The following CSMD2 variants were observed in gnomAD, a reference collection of about 807,000 sequenced individuals.
The protein encoded by CSMD2 is CUB and Sushi multiple domains 2.
CSMD2 carries 130 observed loss-of-function variants against 398.5 expected under a neutral mutation model. The observed-to-expected ratio is 0.33, with a 90% CI of 0.28 to 0.38. The LOEUF is 0.38. Ranked by LOEUF, CSMD2 falls within the 10% of genes least tolerant of loss-of-function variation. The pLI is 1.00. For missense variants in CSMD2, 3,829 were observed against 4,764.9 expected (o/e 0.80, Z 5.78); for synonymous variants, 1,828 against 1,908.5 (o/e 0.96, Z 1.10).
At chr1:33,616,453 G>T (rs1406271412) in intron 39 of CSMD2, among the ~76,000 whole-genome samples, 1 of 152,158 alleles carries the variant, frequency 6.6e-6, no homozygotes, top group African/African-American at 2.4e-5. Flanking sequence ...GGCCAGGCTG[G>T]TCTCGAACTC....
At chr1:33,663,211 G>A (rs535259789) in intron 25 of CSMD2, 119 bp from the exon 26 acceptor site, 35 of 786,262 alleles carry the variant, frequency 4.5e-5, no homozygotes, top group South Asian at 1.6e-4. Context: ...CTAAACCTCC[G>A]AAGCCCAGCA....
chr1:33,875,081 C>G (rs912809986), intron 5 of CSMD2, among the ~76,000 whole-genome samples: 1 of 152,204 alleles, frequency 6.6e-6, no homozygotes, highest in Non-Finnish European at 1.5e-5. Context: ...ATCTAGCCCC[C>G]ACTCCCACCC....
chr1:33,672,500 GA>G (rs1366464964), intron 25 of CSMD2, among the ~76,000 whole-genome samples: 1 of 152,186 alleles, frequency 6.6e-6, no homozygotes, highest in African/African-American at 2.4e-5. Context: ...ACAGCTCAAG[GA>G]GCCCTGCCTG....
chr1:33,551,774 T>C (rs1268857358), intron 55 of CSMD2, among the ~76,000 whole-genome samples: 1 of 152,226 alleles, frequency 6.6e-6, no homozygotes, highest in East Asian at 1.9e-4. Context: ...GCTGGCCTTG[T>C]GACTTGCTTT....
chr1:33,557,067 AT>A (rs1037576896), intron 55 of CSMD2, among the ~76,000 whole-genome samples: 122 of 152,276 alleles, frequency 8.0e-4, no homozygotes, highest in African/African-American at 2.9e-3. Context: ...GTTGTCCCCA[AT>A]TCTTTTCCTA....
Position 33,626,553 on chromosome 1 carries a change from A to C in CSMD2, c.5229T>G (p.Asn1743Lys). 6.2e-7 allele frequency: 1 copy of C among 1,606,274 alleles called. No individual in the cohort carries two copies. Among genetic ancestry groups the C allele is most frequent in the South Asian group, 1.1e-5 (1 of 88,762 alleles). ...TGESLPLATS[N>K]QVLIKFSAKG... ...TGGCGCTGAACTTAATGAGAACTTG[A>C]TTGGAGGTGGCCAAGGGCAGTGATT... The change falls in exon 33 of 71, where the codon AAT becomes AAG. Residue 1743 changes from asparagine to lysine, a missense_variant. This residue lies in a region of CSMD2 where 2,001 missense variants were observed against 2,567.1 expected (regional missense o/e 0.78). Transcript: ENST00000373381.
At chr1:33,814,532 G>A (rs1657239049) in intron 9 of CSMD2, among the ~76,000 whole-genome samples, 1 of 152,114 alleles carries the variant, frequency 6.6e-6, no homozygotes, top group South Asian at 2.1e-4. Context: ...GGGAACAGAA[G>A]CCATATAGCA....
intron 2 of CSMD2, among the ~76,000 whole-genome samples, chr1:34,081,566 G>A (rs1423390093): frequency 1.3e-5 from 2 of 152,118 alleles, no homozygotes; most frequent in Non-Finnish European, 2.9e-5. Context: ...TCGCAGGCGC[G>A]CGCCGCCACG....
Position 34,151,434 on chromosome 1 carries a change from G to C in CSMD2, c.187+13477C>G, listed in dbSNP as rs75009212. Among the ~76,000 whole-genome samples, 177 of 152,262 alleles carry C rather than the reference G, an allele frequency of 1.2e-3. 3 individuals carry two copies. In the East Asian group the frequency reaches 0.024, roughly 21 times the overall value. On this transcript the variant is annotated intron_variant, in intron 1 of 70. Coordinates refer to ENST00000373381, the MANE Select transcript of CSMD2 (RefSeq NM_001281956.2). The stretch of plus-strand genomic sequence containing the variant: ...GAGGGGAGGGTCCTGGCTGGGGTGA[G>C]GGTGGAGGCAGCAAGGTGAAAGGTC...
chr1:34,033,125 T>A (rs1650670709), intron 2 of CSMD2, among the ~76,000 whole-genome samples: 1 of 152,254 alleles, frequency 6.6e-6, no homozygotes. Context: ...AGAATGAGCA[T>A]GCTTCTTATC....
chr1:33,788,613 C>G lies in CSMD2; in HGVS notation c.1650G>C (p.Lys550Asn). 1 of 1,608,854 alleles carries G rather than the reference C, an allele frequency of 6.2e-7. No individual in the cohort carries two copies. Among genetic ancestry groups the G allele is most frequent in the Non-Finnish European group, 8.5e-7 (1 of 1,175,232 alleles). Residue 550 changes from lysine (K) to asparagine (N), a missense_variant, in exon 12 of 71, where the codon AAG becomes AAC. Physicochemically the swap from Lys to Asn is moderately conservative, Grantham distance 94. This residue lies in a region of CSMD2 where 2,001 missense variants were observed against 2,567.1 expected (regional missense o/e 0.78). Transcript: ENST00000373381. Reference protein sequence around the residue: ...TDGSGSSLGFKASYEEIEQGS... With the variant: ...TDGSGSSLGFNASYEEIEQGS... ...AAAAGCAGTTACCTTCATAAGAAGCCTTGAATCCCAGGGAACTGCCACTGC... is the reference window on the plus strand; with the variant it reads ...AAAAGCAGTTACCTTCATAAGAAGCGTTGAATCCCAGGGAACTGCCACTGC...
intron 55 of CSMD2, among the ~76,000 whole-genome samples, chr1:33,553,332 T>A (rs1454730739): frequency 6.6e-6 from 1 of 152,254 alleles, no homozygotes. Context: ...TGATCTGTGA[T>A]CAGTGATCTT....
chr1:33,572,820 T>A, intron 49 of CSMD2, 129 bp from the exon 50 acceptor site: 1 of 602,174 alleles, frequency 1.7e-6, no homozygotes, highest in Non-Finnish European at 2.5e-6. Flanking sequence ...AGTATCATAA[T>A]AAAAAAGAAA....
At chr1:33,871,520 C>T (rs1379699679) in intron 5 of CSMD2, among the ~76,000 whole-genome samples, 1 of 152,132 alleles carries the variant, frequency 6.6e-6, no homozygotes, top group African/African-American at 2.4e-5. Context: ...GCTGAGGAGT[C>T]CAAGGTCAAA....
chr1:33,880,609 T>C (rs1641170543), intron 5 of CSMD2, among the ~76,000 whole-genome samples: 1 of 152,228 alleles, frequency 6.6e-6, no homozygotes, highest in South Asian at 2.1e-4. Flanking sequence ...TTTCTTCTCA[T>C]AGTCTATGAG....
intron 5 of CSMD2, among the ~76,000 whole-genome samples, chr1:33,887,770 C>G (rs2125194327): frequency 6.6e-6 from 1 of 151,708 alleles, no homozygotes; most frequent in Admixed American, 6.6e-5. Context: ...AGGCAGTAGT[C>G]ATATAAGAAG....
intron 43 of CSMD2, 36 bp downstream of exon 43, chr1:33,602,333 C>A: frequency 6.2e-7 from 1 of 1,610,128 alleles, no homozygotes; most frequent in Non-Finnish European, 8.5e-7. Context: ...AGTAATGCTC[C>A]TTTCTAATTG....
rs1191812532 is a variant in CSMD2, at chr1:33,652,387, C to T, written c.4522G>A (p.Gly1508Ser). The change falls in exon 28 of 71, where the codon GGC becomes AGC. Residue 1508 changes from glycine to serine, a missense_variant. By Grantham distance (56) the Gly-to-Ser change is moderately conservative. Coordinates refer to ENST00000373381, the MANE Select transcript of CSMD2 (RefSeq NM_001281956.2). ...SPNYPEPYPP[G>S]KECDWKVTVS... is the part of the protein sequence containing the mutation. ...GTCACTTTCCAGTCACACTCCTTGC[C>T]TGGCGGGTAGGGTTCTGGGTAATTT... 6.2e-7 allele frequency: 1 copy of T among 1,614,190 alleles called. No individual in the cohort carries two copies. The highest frequency in any genetic ancestry group is 8.5e-7 in the Non-Finnish European group (1 of 1,180,018).
At chr1:33,867,131 A>G (rs1640099945) in intron 5 of CSMD2, among the ~76,000 whole-genome samples, 1 of 152,250 alleles carries the variant, frequency 6.6e-6, no homozygotes, top group Non-Finnish European at 1.5e-5. Flanking sequence ...ATGTGATGAT[A>G]AATAATACTA....
Sources: allele counts gnomAD v4.1 joint callset (sites outside exome capture counted in the v4.1 genomes callset), GRCh38; gene constraint gnomAD v4.1.1; regional missense constraint gnomAD v4.1.1; transcripts MANE v1.5; gene names NCBI Gene and HGNC (gene_info 2026-07-23, HGNC 2026-07-21).